Variants in MED27 observed in about 807,000 individuals in gnomAD.
MED27 encodes mediator of RNA polymerase II transcription subunit 27.
A neutral mutation model predicts 38.2 loss-of-function variants in MED27; 30 were observed. The ratio of observed to expected loss-of-function variants is 0.79; its 90% CI spans 0.59 to 1.07. The LOEUF (loss-of-function observed/expected upper bound fraction) is 1.07. Among genes scored for constraint, MED27 ranks in the 50% least tolerant of loss-of-function variants. MED27 has a pLI of 0.00. For missense variants in MED27, 289 were observed against 397.5 expected (o/e 0.73, Z 2.32); for synonymous variants, 122 against 153.5 (o/e 0.79, Z 1.52).
rs116296629 is a variant in MED27 at position 131,917,378 on chromosome 9, G to C, written c.573+22003C>G. Among the ~76,000 whole-genome samples the C allele has an allele frequency of 1.1e-4, 16 of 152,260 alleles. 1 individual carries two copies. In the South Asian group the frequency reaches 2.9e-3, roughly 28 times the overall value. On this transcript the variant is annotated intron_variant, in intron 4 of 7. Transcript: ENST00000292035. The surrounding 1 kb of genome is among the most constrained non-coding windows in gnomAD (Gnocchi z 4.6). ...CATGTACACCACCTATCCTAGAAAG[G>C]GGGGGCTTTATCCTGCAAGCAACAG...
At chr9:131,991,574 A>C (rs1831973776) in intron 3 of MED27, among the ~76,000 whole-genome samples, 1 of 152,256 alleles carries the variant, frequency 6.6e-6, no homozygotes, top group Non-Finnish European at 1.5e-5. Context: ...CACCACACTT[A>C]ACATACATAA....
chr9:131,985,426 G>A (rs775566125), intron 3 of MED27, among the ~76,000 whole-genome samples: 9 of 152,224 alleles, frequency 5.9e-5, no homozygotes, highest in East Asian at 5.8e-4. Context: ...GTCAAGTGTC[G>A]CATAACAGTG....
chr9:132,038,383 G>T (rs1433692267), intron 2 of MED27, among the ~76,000 whole-genome samples: 1 of 151,292 alleles, frequency 6.6e-6, no homozygotes, highest in Non-Finnish European at 1.5e-5. Flanking sequence ...TAGTAGAGAC[G>T]GGGTTTCACC....
At chr9:131,974,642 A>T (rs1189775586) in intron 3 of MED27, among the ~76,000 whole-genome samples, 3 of 152,232 alleles carry the variant, frequency 2.0e-5, no homozygotes, top group Non-Finnish European at 4.4e-5. Context: ...AGAAATCAGG[A>T]GTCTGGACTG....
At chr9:131,878,853 A>G (rs1233971663) in intron 6 of MED27, among the ~76,000 whole-genome samples, 1 of 112,602 alleles carries the variant, frequency 8.9e-6, no homozygotes, top group African/African-American at 3.5e-5. Flanking sequence ...TCTAAGTCCC[A>G]TTCTCTGAAT....
At chr9:132,045,106 A>G (rs1257082195) in intron 2 of MED27, among the ~76,000 whole-genome samples, 1 of 152,186 alleles carries the variant, frequency 6.6e-6, no homozygotes, top group Non-Finnish European at 1.5e-5. Flanking sequence ...ATAACAAAAT[A>G]TAAGGCAGAC....
At chr9:131,959,873 TA>T (rs1449023345) in intron 3 of MED27, among the ~76,000 whole-genome samples, 2 of 152,164 alleles carry the variant, frequency 1.3e-5, no homozygotes, top group African/African-American at 4.8e-5. Context: ...TGCCACTATC[TA>T]GGGGGGCCCA....
chr9:132,000,989 A>G (rs867925519), intron 3 of MED27, among the ~76,000 whole-genome samples: 1 of 152,090 alleles, frequency 6.6e-6, no homozygotes, highest in Non-Finnish European at 1.5e-5. Flanking sequence ...AGTCTCAGCT[A>G]CTTGGGAGGC....
chr9:132,021,161 G>A (rs987564713), intron 2 of MED27, among the ~76,000 whole-genome samples: 8 of 152,204 alleles, frequency 5.3e-5, no homozygotes, highest in Non-Finnish European at 1.0e-4. Context: ...AGAGACGATG[G>A]ATAGCAGCCC....
intron 4 of MED27, among the ~76,000 whole-genome samples, chr9:131,936,514 C>T (rs1826758696): frequency 6.6e-6 from 1 of 152,250 alleles, no homozygotes. Flanking sequence ...CAAGGCCTGA[C>T]TCCCCCATCC....
intron 3 of MED27, among the ~76,000 whole-genome samples, chr9:131,990,707 G>T (rs1831953996): frequency 1.3e-5 from 2 of 152,178 alleles, no homozygotes; most frequent in Non-Finnish European, 2.9e-5. Flanking sequence ...CTGAAAACCA[G>T]TCTTGTCCCA....
intron 5 of MED27, among the ~76,000 whole-genome samples, chr9:131,884,821 T>A (rs1259247220): frequency 6.6e-6 from 1 of 152,284 alleles, no homozygotes; most frequent in African/African-American, 2.4e-5. Context: ...TTGGTCAGGC[T>A]GGTCTCAAAC....
chr9:131,886,260 T>C (rs1198906437), intron 5 of MED27, among the ~76,000 whole-genome samples: 1 of 152,150 alleles, frequency 6.6e-6, no homozygotes, highest in Non-Finnish European at 1.5e-5. Flanking sequence ...TTTGAAAACT[T>C]TTAGGACAGT....
At chr9:131,951,305 C>T (rs1830991820) in intron 3 of MED27, among the ~76,000 whole-genome samples, 1 of 152,200 alleles carries the variant, frequency 6.6e-6, no homozygotes, top group Non-Finnish European at 1.5e-5. Flanking sequence ...GTCTATCTCA[C>T]ACATGTGGGG....
At position 131,860,445 on chromosome 9, in the gene MED27, C is replaced by G. The variant is rs1838632463; in HGVS notation, c.*93G>C. 1 of 1,382,848 alleles carries G rather than the reference C, an allele frequency of 7.2e-7. No homozygotes were observed. Among genetic ancestry groups the G allele is most frequent in the Non-Finnish European group, 9.6e-7 (1 of 1,039,692 alleles). 85.7% of individuals were successfully genotyped at this position (1,382,848 alleles called of 1,614,324 possible). A position where few individuals can be genotyped will look rare whatever the true frequency, so the allele number is the denominator to read the frequency against. On this transcript the variant is annotated 3_prime_UTR_variant, in exon 8 of 8. Coordinates refer to ENST00000292035, the MANE Select transcript of MED27 (RefSeq NM_004269.4). The surrounding 1 kb of genome is among the most constrained non-coding windows in gnomAD (Gnocchi z 5.8). ...GAAAGGGAGGAGCAGCTGTACACATCTGGGCAGTGAGGAACCAGCTGAGCC... is the reference window on the plus strand; with the variant it reads ...GAAAGGGAGGAGCAGCTGTACACATGTGGGCAGTGAGGAACCAGCTGAGCC...
chr9:131,897,252 C>T (rs1829847108), intron 4 of MED27, among the ~76,000 whole-genome samples: 1 of 152,246 alleles, frequency 6.6e-6, no homozygotes. Context: ...ACAAAGTTTT[C>T]ACCACATTTG....
At chr9:131,958,849 C>T (rs955579595) in intron 3 of MED27, among the ~76,000 whole-genome samples, 1 of 152,098 alleles carries the variant, frequency 6.6e-6, no homozygotes, top group African/African-American at 2.4e-5. Context: ...TGGACGTGAA[C>T]GTGTTCAGAG....
chr9:132,077,737 C>T (rs760605975), intron 1 of MED27, 151 bp from the exon 2 acceptor site: 2 of 660,894 alleles, frequency 3.0e-6, no homozygotes, highest in Non-Finnish European at 2.3e-6. Context: ...ATACTTGGGA[C>T]ACTTAAAAAA....
chr9:132,066,586 CCTGGCCAGGGA>C (rs1183325463), intron 2 of MED27, among the ~76,000 whole-genome samples: 1 of 152,226 alleles, frequency 6.6e-6, no homozygotes, highest in African/African-American at 2.4e-5. Context: ...GAGCCAAGAC[CCTGGCCAGGGA>C]CTGGCCCCAG....
Sources: allele counts gnomAD v4.1 joint callset (sites outside exome capture counted in the v4.1 genomes callset), GRCh38; gene constraint gnomAD v4.1.1; non-coding constraint Gnocchi (gnomAD v3.1); transcripts MANE v1.5; gene names NCBI Gene and HGNC (gene_info 2026-07-23, HGNC 2026-07-21).